The following BICD1 variants were observed in gnomAD, a reference collection of about 807,000 sequenced individuals.
The protein encoded by BICD1 is protein bicaudal D homolog 1.
In BICD1, 35 loss-of-function variants were observed where a neutral mutation model predicts 92.5. That is an observed-to-expected ratio of 0.38 (90% CI 0.29 to 0.50). BICD1 has a LOEUF of 0.50. Ranked by LOEUF, BICD1 falls within the 20% of genes least tolerant of loss-of-function variation. The probability of loss-of-function intolerance (pLI) is 0.93; values close to 1 mark genes in which losing one functional copy is unlikely to be tolerated. For missense variants in BICD1, 950 were observed against 1,189.8 expected, an observed-to-expected ratio of 0.80 and a Z score of 2.97; for synonymous variants, 429 against 465.1, an observed-to-expected ratio of 0.92 and a Z score of 1.00.
intron 8 of BICD1, among the ~76,000 whole-genome samples, chr12:32,341,783 G>C (rs1360160711): frequency 1.3e-5 from 2 of 152,098 alleles, no homozygotes; most frequent in Non-Finnish European, 2.9e-5. Context: ...ATAAATTGTA[G>C]CTTCTACAAA....
At chr12:32,183,611 C>CAGACACAGCTGACACCACTAGCTAACT (rs1944346292) in intron 1 of BICD1, among the ~76,000 whole-genome samples, 1 of 152,216 alleles carries the variant, frequency 6.6e-6, no homozygotes, top group Non-Finnish European at 1.5e-5. Context: ...AGTTGTGTGG[C>CAGACACAGCTGACACCACTAGCTAACT]AGACACAGCT....
chr12:32,367,786 C>A, intron 9 of BICD1, 41 bp downstream of exon 9: 2 of 1,557,836 alleles, frequency 1.3e-6, no homozygotes, highest in Non-Finnish European at 8.9e-7. Flanking sequence ...AGCTGCATGT[C>A]AGATCCATAG....
At chr12:32,261,590 T>TGG (rs957526971) in intron 2 of BICD1, among the ~76,000 whole-genome samples, 33 of 152,360 alleles carry the variant, frequency 2.2e-4, no homozygotes, top group African/African-American at 7.9e-4. Flanking sequence ...CGTATTGTCA[T>TGG]ATTTTCATGG....
chr12:32,300,390 A>G (rs1948003722), intron 3 of BICD1, among the ~76,000 whole-genome samples: 1 of 152,094 alleles, frequency 6.6e-6, no homozygotes. Context: ...GGCATGAGCC[A>G]CCGTGCCCAG....
chr12:32,288,223 A>ATTTTTTT lies in BICD1; in HGVS notation c.427-5753_427-5747dup, dbSNP rs34913740. 3.8e-4 allele frequency among the ~76,000 whole-genome samples: 42 copies of ATTTTTTT among 109,504 alleles called. 1 individual carries two copies. The highest frequency in any genetic ancestry group is 1.5e-3 in the African/African-American group (40 of 27,200). The allele number at this position is 109,504 out of a possible 152,430, so 71.8% of individuals were successfully genotyped here. The stretch of plus-strand genomic sequence containing the variant: ...CTTACCTGTCACCTACCAAGTCCTA[A>ATTTTTTT]TTTTTTTTTTTTTTTTTTTTTTTTC... On this transcript the variant is annotated intron_variant, in intron 2 of 9. Transcript: ENST00000652176.
chr12:32,307,313 A>T (rs2136221932), intron 4 of BICD1, among the ~76,000 whole-genome samples: 1 of 152,328 alleles, frequency 6.6e-6, no homozygotes, highest in African/African-American at 2.4e-5. Flanking sequence ...TAAACCTTAA[A>T]TTTTTAGCGT....
intron 1 of BICD1, among the ~76,000 whole-genome samples, chr12:32,131,984 G>A (rs897703432): frequency 7.2e-5 from 11 of 152,204 alleles, no homozygotes; most frequent in Admixed American, 6.5e-4. Flanking sequence ...TTTGAGAAAT[G>A]AGGGCCAGGC....
At position 32,381,035 on chromosome 12, in the gene BICD1, T is replaced by C. The variant is rs910749207; in HGVS notation, c.*3408T>C. 1.3e-5 allele frequency: 2 copies of C among 152,098 alleles called. No individual in the cohort carries two copies. Among genetic ancestry groups the C allele is most frequent in the Non-Finnish European group, 1.5e-5 (1 of 67,964 alleles). The allele number at this position is 152,098 out of a possible 1,614,324, so 9.4% of individuals were successfully genotyped here. A position where few individuals can be genotyped will look rare whatever the true frequency, so the allele number is the denominator to read the frequency against. On this transcript the variant is annotated 3_prime_UTR_variant, in exon 10 of 10. Coordinates refer to ENST00000652176, the MANE Select transcript of BICD1 (RefSeq NM_001714.4). ...GTCTAGTAAGTATTAAGTGGCAAGATAGGAGAATGCATTTCAGTTCTGGGA... is the reference window on the plus strand; with the variant it reads ...GTCTAGTAAGTATTAAGTGGCAAGACAGGAGAATGCATTTCAGTTCTGGGA...
intron 2 of BICD1, among the ~76,000 whole-genome samples, chr12:32,268,653 A>G (rs1273737960): frequency 6.6e-6 from 1 of 152,140 alleles, no homozygotes; most frequent in African/African-American, 2.4e-5. Flanking sequence ...AAAATTAGCC[A>G]GGTGAGGTGG....
intron 9 of BICD1, among the ~76,000 whole-genome samples, chr12:32,375,148 A>G (rs946372306): frequency 2.7e-5 from 4 of 149,048 alleles, no homozygotes; most frequent in Non-Finnish European, 5.9e-5. Flanking sequence ...GATGGTCTCT[A>G]TCTCCTGAGC....
At chr12:32,185,531 G>C (rs1053194860) in intron 1 of BICD1, among the ~76,000 whole-genome samples, 3 of 152,156 alleles carry the variant, frequency 2.0e-5, no homozygotes, top group Non-Finnish European at 4.4e-5. Context: ...TGTTTCAGTA[G>C]ACAGAAAAAG....
At chr12:32,226,369 G>C (rs1945691239) in intron 2 of BICD1, among the ~76,000 whole-genome samples, 1 of 152,178 alleles carries the variant, frequency 6.6e-6, no homozygotes, top group Non-Finnish European at 1.5e-5. Flanking sequence ...CCTGACCTCA[G>C]GTGATCCACC....
At chr12:32,327,417 G>A (rs1252664289) in intron 4 of BICD1, 44 bp from the exon 5 acceptor site, 1 of 1,548,186 alleles carries the variant, frequency 6.5e-7, no homozygotes, top group Non-Finnish European at 8.7e-7. Context: ...TTCATCATTG[G>A]TGCTGCCTTG....
intron 1 of BICD1, among the ~76,000 whole-genome samples, chr12:32,200,360 A>G (rs1471017294): frequency 6.6e-6 from 1 of 152,258 alleles, no homozygotes. Flanking sequence ...GGACAGAGAT[A>G]GCTGGATGAT....
chr12:32,165,545 C>T (rs1943733646), intron 1 of BICD1, among the ~76,000 whole-genome samples: 2 of 151,080 alleles, frequency 1.3e-5, no homozygotes, highest in Admixed American at 6.6e-5. Flanking sequence ...ATTAGCTGGG[C>T]GTGGTGGTGC....
At chr12:32,260,374 A>T (rs767072647) in intron 2 of BICD1, among the ~76,000 whole-genome samples, 2 of 152,038 alleles carry the variant, frequency 1.3e-5, no homozygotes, top group Non-Finnish European at 2.9e-5. Context: ...TTCTGGTGGG[A>T]TGTGCACTCT....
intron 1 of BICD1, among the ~76,000 whole-genome samples, chr12:32,203,166 T>TA (rs1215577300): frequency 1.3e-5 from 2 of 152,230 alleles, no homozygotes; most frequent in Admixed American, 6.5e-5. Flanking sequence ...AATGGATCTG[T>TA]ACTTCATTTC....
chr12:32,324,363 AC>A (rs200796645), intron 4 of BICD1, among the ~76,000 whole-genome samples: 3,145 of 121,982 alleles, frequency 0.026, 195 homozygotes, highest in African/African-American at 0.081. Context: ...CAAAAAAAAA[AC>A]AAAAAAAAAA....
chr12:32,241,532 T>C (rs977510495), intron 2 of BICD1, among the ~76,000 whole-genome samples: 2 of 152,182 alleles, frequency 1.3e-5, no homozygotes, highest in Non-Finnish European at 2.9e-5. Context: ...GGAAGTATTA[T>C]TAATTAAAAA....
Sources: gnomAD v4.1 joint callset for allele counts (sites outside exome capture counted in the v4.1 genomes callset) on GRCh38, gnomAD v4.1.1 for gene constraint, MANE v1.5 for transcripts, NCBI Gene and HGNC (gene_info 2026-07-23, HGNC 2026-07-21) for gene names.